Variants in PRKN observed in about 807,000 individuals in gnomAD.
PRKN encodes the protein E3 ubiquitin-protein ligase parkin.
A neutral mutation model predicts 59.5 loss-of-function variants in PRKN; 56 were observed. The ratio of observed to expected loss-of-function variants is 0.94; its 90% CI spans 0.76 to 1.18. The LOEUF (loss-of-function observed/expected upper bound fraction) is 1.18, where lower values mean the gene tolerates loss of function less well. PRKN is among the 50% of genes most tolerant of loss of function. PRKN has a pLI of 0.00. For missense variants in PRKN, 657 were observed against 596.4 expected (o/e 1.10, Z -1.06); for synonymous variants, 250 against 222.1 (o/e 1.13, Z -1.12).
At chr6:162,214,276 T>G (rs973087513) in intron 3 of PRKN, among the ~76,000 whole-genome samples, 1 of 152,160 alleles carries the variant, frequency 6.6e-6, no homozygotes, top group Non-Finnish European at 1.5e-5. Flanking sequence ...AGCTGTACCA[T>G]CTTTTCTATC....
chr6:162,283,486 GT>G (rs1781018460), intron 2 of PRKN, among the ~76,000 whole-genome samples: 1 of 152,106 alleles, frequency 6.6e-6, no homozygotes, highest in Admixed American at 6.6e-5. Flanking sequence ...AATGGTATGA[GT>G]TTTTTGTAAC....
At chr6:162,143,082 T>A (rs1012395770) in intron 4 of PRKN, among the ~76,000 whole-genome samples, 2 of 152,222 alleles carry the variant, frequency 1.3e-5, no homozygotes, top group African/African-American at 4.8e-5. Flanking sequence ...TGAGAATTAC[T>A]GAACACCTTG....
chr6:162,145,748 T>A (rs1781997722), intron 4 of PRKN, among the ~76,000 whole-genome samples: 1 of 152,134 alleles, frequency 6.6e-6, no homozygotes, highest in African/African-American at 2.4e-5. Context: ...GCAATCAGCA[T>A]CCAGGTCAGC....
rs543566389 is a variant in PRKN, at chr6:162,418,050, G to A, written c.171+25260C>T. 1.2e-4 allele frequency among the ~76,000 whole-genome samples: 18 copies of A among 152,236 alleles called. No individual in the cohort carries two copies. The South Asian group carries it at 3.7e-3, about 32-fold the overall frequency. On this transcript the variant is annotated intron_variant, in intron 2 of 11. Coordinates refer to ENST00000366898, the MANE Select transcript of PRKN (RefSeq NM_004562.3). ...AAAACATAGGCCTATACAAAAGCCT[G>A]CACACAAATATTCATGGTAGCATCA...
intron 1 of PRKN, among the ~76,000 whole-genome samples, chr6:162,554,474 C>A (rs58903244): frequency 0.02 from 3,096 of 152,134 alleles, 114 homozygotes; most frequent in African/African-American, 0.069. Flanking sequence ...TGCATTCCAG[C>A]CTGGGCAGCA....
chr6:161,890,436 C>T (rs558019911), intron 6 of PRKN, among the ~76,000 whole-genome samples: 1 of 152,272 alleles, frequency 6.6e-6, no homozygotes, highest in South Asian at 2.1e-4. Context: ...CTCTGGGGTT[C>T]CACAACGGAG....
intron 1 of PRKN, among the ~76,000 whole-genome samples, chr6:162,532,775 T>C (rs1178447746): frequency 6.6e-6 from 1 of 152,204 alleles, no homozygotes; most frequent in Non-Finnish European, 1.5e-5. Context: ...GAGTATGGTG[T>C]TTTGTACAAG....
intron 2 of PRKN, among the ~76,000 whole-genome samples, chr6:162,330,483 C>T (rs776533797): frequency 4.6e-5 from 7 of 152,176 alleles, no homozygotes; most frequent in South Asian, 2.1e-4. Flanking sequence ...GTTGGTTCAG[C>T]GCATAATTCC....
chr6:161,950,261 T>C (rs1779936695), intron 6 of PRKN, among the ~76,000 whole-genome samples: 1 of 152,180 alleles, frequency 6.6e-6, no homozygotes, highest in Admixed American at 6.5e-5. Flanking sequence ...GGTTCTATCT[T>C]TGGCCGGGTG....
intron 4 of PRKN, among the ~76,000 whole-genome samples, chr6:162,138,036 C>T (rs992571018): frequency 9.2e-5 from 14 of 151,830 alleles, no homozygotes; most frequent in Admixed American, 2.0e-4. Flanking sequence ...CTAGAAGTCT[C>T]GGTGAACTGG....
chr6:161,403,130 A>C (rs946756970), intron 9 of PRKN, among the ~76,000 whole-genome samples: 42 of 152,138 alleles, frequency 2.8e-4, no homozygotes, highest in Admixed American at 2.4e-3. Context: ...AACTGTTCTC[A>C]GTGCTGGGCG....
chr6:162,065,273 G>A (rs1041827203), intron 4 of PRKN, among the ~76,000 whole-genome samples: 38 of 152,212 alleles, frequency 2.5e-4, no homozygotes, highest in African/African-American at 8.7e-4. Context: ...AACCACTGGT[G>A]TAAATCTAAG....
intron 7 of PRKN, among the ~76,000 whole-genome samples, chr6:161,656,140 G>A (rs550301306): frequency 4.6e-5 from 7 of 152,288 alleles, no homozygotes; most frequent in East Asian, 1.9e-4. Flanking sequence ...ATTAACTTGC[G>A]GGAAGATGAC....
chr6:161,710,881 TTC>T (rs1390547111), intron 7 of PRKN, among the ~76,000 whole-genome samples: 4 of 119,990 alleles, frequency 3.3e-5, no homozygotes, highest in African/African-American at 1.2e-4. Flanking sequence ...CCTTCCTTCC[TTC>T]TCTCCCTCCC....
At chr6:162,489,467 A>G (rs960087895) in intron 1 of PRKN, among the ~76,000 whole-genome samples, 2 of 152,202 alleles carry the variant, frequency 1.3e-5, no homozygotes, top group African/African-American at 4.8e-5. Context: ...TATCCCACAA[A>G]AAAGTATGAG....
intron 3 of PRKN, among the ~76,000 whole-genome samples, chr6:162,221,968 T>G (rs1024925004): frequency 1.3e-5 from 2 of 152,172 alleles, no homozygotes; most frequent in African/African-American, 4.8e-5. Flanking sequence ...TTAATACACT[T>G]TCTAAGATGA....
intron 7 of PRKN, among the ~76,000 whole-genome samples, chr6:161,590,835 A>C (rs1167032695): frequency 6.6e-6 from 1 of 152,182 alleles, no homozygotes; most frequent in Non-Finnish European, 1.5e-5. Context: ...TCCTGCGCTC[A>C]TAAAAAATTC....
chr6:161,533,814 A>T lies in PRKN; in HGVS notation c.1083+15040T>A, dbSNP rs1419276735. On this transcript the variant is annotated intron_variant, in intron 9 of 11. Transcript: ENST00000366898. This position sits in a 1 kb window ranked among gnomAD's most constrained non-coding sequence, Gnocchi z 4.1. The stretch of plus-strand genomic sequence containing the variant: ...ACCCACCCACGTGTCTGTGTACTTA[A>T]TTTTCTTGGCGTGAGATAAGGAACC... Among the ~76,000 whole-genome samples, 3 of 151,192 alleles carry T rather than the reference A, an allele frequency of 2.0e-5. No homozygotes were observed. Among genetic ancestry groups the T allele is most frequent in the Non-Finnish European group, 4.4e-5 (3 of 67,518 alleles).
At chr6:162,114,494 A>G (rs2128303398) in intron 4 of PRKN, among the ~76,000 whole-genome samples, 1 of 151,786 alleles carries the variant, frequency 6.6e-6, no homozygotes, top group Non-Finnish European at 1.5e-5. Context: ...ATGGGAGTTC[A>G]CTCATGATTT....
Sources: gnomAD v4.1 joint callset for allele counts (sites outside exome capture counted in the v4.1 genomes callset) on GRCh38, gnomAD v4.1.1 for gene constraint, Gnocchi (gnomAD v3.1) non-coding constraint, MANE v1.5 for transcripts, NCBI Gene and HGNC (gene_info 2026-07-23, HGNC 2026-07-21) for gene names.